The following SIAH3 variants were observed in gnomAD, a reference collection of about 807,000 sequenced individuals.
SIAH3 encodes the protein seven in absentia homolog 3.
In SIAH3, 9 loss-of-function variants were observed where a neutral mutation model predicts 12.6. That is an observed-to-expected ratio of 0.72 (90% CI 0.43 to 1.25). The LOEUF (loss-of-function observed/expected upper bound fraction) is 1.25, where lower values mean the gene tolerates loss of function less well. Among genes scored for constraint, SIAH3 ranks in the 50% most tolerant of loss-of-function variants. The pLI is 0.00. For synonymous variants in SIAH3, 154 were observed against 151.1 expected (o/e 1.02, Z -0.14); for missense variants, 390 against 365.4 (o/e 1.07, Z -0.55).
intron 1 of SIAH3, among the ~76,000 whole-genome samples, chr13:45,804,378 C>A (rs1950591911): frequency 1.3e-5 from 2 of 152,080 alleles, no homozygotes; most frequent in African/African-American, 4.8e-5. Flanking sequence ...TAGGCAAATG[C>A]ACAGATACAG....
intron 1 of SIAH3, among the ~76,000 whole-genome samples, chr13:45,815,330 A>G (rs1038527877): frequency 1.3e-5 from 2 of 151,878 alleles, no homozygotes; most frequent in African/African-American, 2.4e-5. Flanking sequence ...AGCCTCATCC[A>G]AGCAGTTGAA....
At chr13:45,810,520 C>G (rs1950612917) in intron 1 of SIAH3, among the ~76,000 whole-genome samples, 1 of 152,102 alleles carries the variant, frequency 6.6e-6, no homozygotes, top group Non-Finnish European at 1.5e-5. Context: ...AAATCACCCT[C>G]TGGAAATAGA....
intron 1 of SIAH3, among the ~76,000 whole-genome samples, chr13:45,794,536 G>A (rs999457632): frequency 3.9e-5 from 6 of 152,086 alleles, no homozygotes; most frequent in African/African-American, 1.4e-4. Flanking sequence ...GACCCGGTGG[G>A]AGGTAACTGA....
At chr13:45,817,450 A>G (rs1046069828) in intron 1 of SIAH3, among the ~76,000 whole-genome samples, 1 of 152,208 alleles carries the variant, frequency 6.6e-6, no homozygotes, top group Non-Finnish European at 1.5e-5. Flanking sequence ...TGTAAACAAC[A>G]CACAATTTTA....
Position 45,783,581 on chromosome 13 carries a change from C to G in SIAH3, c.612G>C (p.Glu204Asp). ...TQADCFTYRL[E>D]LNRNHRRLKW... ...TGAGGCGCCGATGGTTTCTGTTGAGCTCCAGGCGATAGGTGAAGCAGTCGG... is the reference window on the plus strand; with the variant it reads ...TGAGGCGCCGATGGTTTCTGTTGAGGTCCAGGCGATAGGTGAAGCAGTCGG... Residue 204 changes from glutamate (E) to aspartate (D), a missense_variant, in exon 2 of 2, where the codon GAG becomes GAC. Transcript: ENST00000400405. 1 of 1,614,218 alleles carries G rather than the reference C, an allele frequency of 6.2e-7. No individual in the cohort carries two copies. The highest frequency in any genetic ancestry group is 8.5e-7 in the Non-Finnish European group (1 of 1,180,042).
chr13:45,789,956 G>A lies in SIAH3; in HGVS notation c.136-5899C>T, dbSNP rs552772652. 1.1e-4 allele frequency among the ~76,000 whole-genome samples: 16 copies of A among 152,296 alleles called. No homozygotes were observed. In the South Asian group the frequency reaches 2.9e-3, roughly 28 times the overall value. ...TAATAGATGCTAGAAATGGGCTCTA[G>A]TTGAGGAAATGAGTGGTTTTCGAGC... On this transcript the variant is annotated intron_variant, in intron 1 of 1. Transcript: ENST00000400405.
intron 1 of SIAH3, among the ~76,000 whole-genome samples, chr13:45,792,047 C>T (rs1177140080): frequency 1.3e-5 from 2 of 152,198 alleles, no homozygotes; most frequent in East Asian, 3.8e-4. Context: ...AACCCCAGAG[C>T]CCACCCTCTA....
intron 1 of SIAH3, among the ~76,000 whole-genome samples, chr13:45,787,352 C>T (rs1309467126): frequency 6.6e-6 from 1 of 152,098 alleles, no homozygotes; most frequent in African/African-American, 2.4e-5. Context: ...TACACACCAC[C>T]CATCTTGTGC....
rs1409571422 is a variant in SIAH3, at chr13:45,783,949, G to A, written c.244C>T (p.Arg82Cys). The A allele has an allele frequency of 1.2e-5, 19 of 1,606,660 alleles. No homozygotes were observed. Among genetic ancestry groups the A allele is most frequent in the Non-Finnish European group, 1.4e-5 (17 of 1,176,970 alleles). The stretch of plus-strand genomic sequence containing the variant: ...AGGTGGTGGGGGTGGGCGTGGTGGC[G>A]GAGGTGGTGGTGGTGGCGGTGGTGG... ...HCHHRHHHHL[R>C]HHAHPHHLHH... is the part of the protein sequence containing the mutation. Residue 82 changes from arginine to cysteine, a missense_variant, in exon 2 of 2, where the codon CGC becomes TGC. By Grantham distance (180) the Arg-to-Cys change is radical (BLOSUM62 -3). Transcript: ENST00000400405.
Position 45,783,353 on chromosome 13 carries a change from C to T in SIAH3, c.*30G>A. On this transcript the variant is annotated 3_prime_UTR_variant, in exon 2 of 2. Coordinates refer to ENST00000400405, the MANE Select transcript of SIAH3 (RefSeq NM_198849.3). ...AGGTCCCAGGCGTTTCCTAGGGAGG[C>T]TGTGTGGGGAGCATCCGTGGCTCCT... 6.3e-7 allele frequency: 1 copy of T among 1,583,638 alleles called. No homozygotes were observed. The highest frequency in any genetic ancestry group is 8.6e-7 in the Non-Finnish European group (1 of 1,159,496).
intron 1 of SIAH3, among the ~76,000 whole-genome samples, chr13:45,822,109 C>T (rs749453828): frequency 2.6e-5 from 4 of 152,050 alleles, no homozygotes; most frequent in East Asian, 1.9e-4. Flanking sequence ...GGCTCCTTGG[C>T]GCTCCCAGTC....
In SIAH3 at chr13:45,784,012, CTT is replaced by C; in HGVS notation, c.179_180del (p.Gln60ArgfsTer72). 1 of 1,605,512 alleles carries C rather than the reference CTT, an allele frequency of 6.2e-7. No homozygotes were observed. ...RRAVTQSAPE[Q>X]GSFHPHHLSH... ...GAGAGATGGTGAGGGTGGAAGCTGCCTTGCTCTGGAGCGCTCTGAGTGACGGC... is the reference window on the plus strand; with the variant it reads ...GAGAGATGGTGAGGGTGGAAGCTGCCGCTCTGGAGCGCTCTGAGTGACGGC... On this transcript the variant is annotated frameshift_variant, in exon 2 of 2. Transcript: ENST00000400405. LOFTEE classifies it high-confidence loss of function.
Position 45,833,981 on chromosome 13 carries a change from C to T in SIAH3, c.135+17514G>A, listed in dbSNP as rs138332658. On this transcript the variant is annotated intron_variant, in intron 1 of 1. Transcript: ENST00000400405. ...TCTTGCAAAATGCTTTCTTATTTTT[C>T]GCCCAACCAATACTGAGGTCAAAAA... Among the ~76,000 whole-genome samples the T allele has an allele frequency of 4.0e-3, 603 of 150,320 alleles. 3 individuals carry two copies. The highest frequency in any genetic ancestry group is 5.7e-3 in the Non-Finnish European group (384 of 67,810).
chr13:45,784,036 C>G lies in SIAH3; in HGVS notation c.157G>C (p.Val53Leu). The G allele has an allele frequency of 6.3e-7, 1 of 1,593,844 alleles. No homozygotes were observed. Among genetic ancestry groups the G allele is most frequent in the Non-Finnish European group, 8.5e-7 (1 of 1,170,138 alleles). The change falls in exon 2 of 2, where the codon GTC becomes CTC. Residue 53 changes from valine to leucine, a missense_variant. By Grantham distance (32) the Val-to-Leu change is conservative. Coordinates refer to ENST00000400405, the MANE Select transcript of SIAH3 (RefSeq NM_198849.3). ...CCTTGCTCTGGAGCGCTCTGAGTGA[C>G]GGCGCGCCGACTGGACACATACTGT... is the stretch of plus-strand genomic sequence containing the variant. Reference protein sequence around the residue: ...NLKYVSSRRAVTQSAPEQGSF... With the variant: ...NLKYVSSRRALTQSAPEQGSF...
At chr13:45,831,429 C>T (rs1950698953) in intron 1 of SIAH3, among the ~76,000 whole-genome samples, 1 of 152,094 alleles carries the variant, frequency 6.6e-6, no homozygotes, top group Admixed American at 6.6e-5. Flanking sequence ...AGACATACAA[C>T]TCTGGCACTG....
chr13:45,834,341 C>G (rs1232279798), intron 1 of SIAH3, among the ~76,000 whole-genome samples: 1 of 152,174 alleles, frequency 6.6e-6, no homozygotes, highest in Non-Finnish European at 1.5e-5. Context: ...AAAGGCTGTC[C>G]GATTGTGAAG....
chr13:45,805,448 G>A (rs1254054591), intron 1 of SIAH3, among the ~76,000 whole-genome samples: 3 of 152,050 alleles, frequency 2.0e-5, no homozygotes, highest in African/African-American at 7.2e-5. Context: ...TCTGATCTTT[G>A]ATAAAGTTGA....
intron 1 of SIAH3, among the ~76,000 whole-genome samples, chr13:45,817,032 A>G (rs1361699260): frequency 6.6e-6 from 1 of 152,224 alleles, no homozygotes; most frequent in African/African-American, 2.4e-5. Context: ...AAATAGGAAT[A>G]ATATCACTGG....
At chr13:45,830,641 C>CCTT (rs1428401995) in intron 1 of SIAH3, among the ~76,000 whole-genome samples, 3 of 152,206 alleles carry the variant, frequency 2.0e-5, no homozygotes, top group African/African-American at 7.2e-5. Context: ...CTGGTGCTTA[C>CCTT]CTTCTGCTGG....
Sources: gnomAD v4.1 joint callset for allele counts (sites outside exome capture counted in the v4.1 genomes callset) on GRCh38, gnomAD v4.1.1 for gene constraint, MANE v1.5 for transcripts, NCBI Gene and HGNC (gene_info 2026-07-23, HGNC 2026-07-21) for gene names.